The following MYO18B variants were observed in gnomAD, a reference collection of about 807,000 sequenced individuals.
MYO18B encodes myosin XVIIIB.
In MYO18B, 204 loss-of-function variants were observed where a neutral mutation model predicts 273.0. The observed-to-expected ratio is 0.75, with a 90% confidence interval of 0.67 to 0.84. MYO18B has a LOEUF of 0.84. Ranked by LOEUF, MYO18B falls within the 40% of genes least tolerant of loss-of-function variation. MYO18B has a pLI of 0.00. For synonymous variants in MYO18B, 1,330 were observed against 1,305.7 expected (o/e 1.02, Z -0.40); for missense variants, 3,212 against 3,287.6 (o/e 0.98, Z 0.56).
At chr22:25,755,629 T>G (rs1018930205) in intron 1 of MYO18B, among the ~76,000 whole-genome samples, 5 of 152,224 alleles carry the variant, frequency 3.3e-5, no homozygotes, top group Non-Finnish European at 7.3e-5. Flanking sequence ...GTTTGGGTCA[T>G]GGGGGCAGAT....
intron 1 of MYO18B, among the ~76,000 whole-genome samples, chr22:25,745,548 C>T (rs568374643): frequency 3.3e-4 from 50 of 152,114 alleles, no homozygotes; most frequent in South Asian, 6.2e-4. Context: ...ACACCATTAG[C>T]TTCATATGAA....
the MYO18B span, among the ~76,000 whole-genome samples, chr22:26,037,360 C>G: frequency 1.3e-5 from 2 of 152,130 alleles, no homozygotes; most frequent in African/African-American, 4.8e-5. Context: ...GATTATTATG[C>G]CCATTTTACA....
intron 34 of MYO18B, among the ~76,000 whole-genome samples, chr22:25,933,923 A>G (rs1207467109): frequency 6.6e-6 from 1 of 152,236 alleles, no homozygotes; most frequent in African/African-American, 2.4e-5. Flanking sequence ...TAAATTTCCA[A>G]GGTACCTGTA....
chr22:25,884,053 C>T (rs1264763173), intron 25 of MYO18B, among the ~76,000 whole-genome samples: 1 of 152,124 alleles, frequency 6.6e-6, no homozygotes, highest in Non-Finnish European at 1.5e-5. Context: ...ATTTTCCCCC[C>T]AAGACCTTAT....
chr22:26,026,886 G>A lies in MYO18B; in HGVS notation c.6912G>A (p.Arg2304=), dbSNP rs766087021. 1 of 1,604,162 alleles carries A rather than the reference G, an allele frequency of 6.2e-7. No individual in the cohort carries two copies. The highest frequency in any genetic ancestry group is 8.5e-7 in the Non-Finnish European group (1 of 1,174,466). Residue 2304 remains arginine, a synonymous_variant, in exon 43 of 44, where the codon AGG becomes AGA. Transcript: ENST00000335473. The stretch of plus-strand genomic sequence containing the variant: ...GTGACGAGGGAAACCTCTCGCTGAG[G>A]GTTGGGGCAAAGTCACCCCTGGAAA... ...AGSDEGNLSL[R]VGAKSPLEIE...
intron 25 of MYO18B, among the ~76,000 whole-genome samples, chr22:25,889,733 A>G (rs1469938637): frequency 6.6e-6 from 1 of 152,138 alleles, no homozygotes; most frequent in Non-Finnish European, 1.5e-5. Context: ...TTTTGGAACG[A>G]TAATGCCACA....
At chr22:25,936,176 G>T (rs575344058) in intron 34 of MYO18B, among the ~76,000 whole-genome samples, 5 of 152,278 alleles carry the variant, frequency 3.3e-5, no homozygotes, top group African/African-American at 9.6e-5. Flanking sequence ...ACGGGGATCG[G>T]GGAGGGCCTT....
chr22:26,017,096 CCTCA>C lies in MYO18B; in HGVS notation c.6471-9337_6471-9334del, dbSNP rs1276249501. Reference sequence around the variant, plus strand: ...TCCTCTCTGTGCCTCTCCCTCCCTCCCTCACTCACTCACTCCCTTCCTTCCTTCT... The same window carrying C: ...TCCTCTCTGTGCCTCTCCCTCCCTCCCTCACTCACTCCCTTCCTTCCTTCT... On this transcript the variant is annotated intron_variant, in intron 42 of 43. Coordinates refer to ENST00000335473, the MANE Select transcript of MYO18B (RefSeq NM_032608.7). Among the ~76,000 whole-genome samples, 47 of 133,060 alleles carry C rather than the reference CCTCA, an allele frequency of 3.5e-4. 1 individual carries two copies. Among genetic ancestry groups the C allele is most frequent in the Middle Eastern group, 3.7e-3 (1 of 268 alleles). The allele number at this position is 133,060 out of a possible 152,430, so 87.3% of individuals were successfully genotyped here.
chr22:25,955,245 T>G lies in MYO18B; in HGVS notation c.6037T>G (p.Ser2013Ala). The change falls in exon 39 of 44, where the codon TCC becomes GCC. Residue 2013 changes from serine to alanine, a missense_variant. By Grantham distance (99) the Ser-to-Ala change is moderately conservative (BLOSUM62 1). Transcript: ENST00000335473. The part of the protein sequence containing the change: ...MGEELSQAAT[S>A]ESQQRESSQY... ...GGAGGAGCTTTCACAGGCGGCCACC[T>G]CCGAGTCCCAGCAGCGGGAGAGCAG... The G allele has an allele frequency of 6.2e-7, 1 of 1,613,380 alleles. No homozygotes were observed. The highest frequency in any genetic ancestry group is 1.1e-5 in the South Asian group (1 of 90,954).
chr22:25,865,529 C>A (rs918210361), intron 21 of MYO18B, among the ~76,000 whole-genome samples: 8 of 152,210 alleles, frequency 5.3e-5, no homozygotes, highest in Non-Finnish European at 7.3e-5. Context: ...TAACTCCTAA[C>A]ATTTATTGAG....
chr22:25,863,910 T>G (rs2090813061), intron 21 of MYO18B, among the ~76,000 whole-genome samples: 1 of 152,240 alleles, frequency 6.6e-6, no homozygotes, highest in South Asian at 2.1e-4. Flanking sequence ...GTGGCTGTCC[T>G]ATTTCCTGTG....
intron 39 of MYO18B, chr22:25,963,978 T>A (rs2092948657): frequency 6.6e-6 from 1 of 152,196 alleles, no homozygotes; most frequent in Non-Finnish European, 1.5e-5. Flanking sequence ...ATGGCAGTGA[T>A]GTTAATAGGA....
chr22:26,030,004 T>C (rs938679527), intron 43 of MYO18B, among the ~76,000 whole-genome samples: 1 of 152,052 alleles, frequency 6.6e-6, no homozygotes, highest in African/African-American at 2.4e-5. Flanking sequence ...TTCTGTGGAG[T>C]TGCTACAGTA....
rs117215353 is a variant in MYO18B at position 25,930,246 on chromosome 22, C to T, written c.5517+8837C>T. Among the ~76,000 whole-genome samples, 38 of 152,284 alleles carry T rather than the reference C, an allele frequency of 2.5e-4. 1 individual carries two copies. In the East Asian group the frequency reaches 7.2e-3, roughly 29 times the overall value. ...CTCTCCTTCCCCACAATCTGTTGGG[C>T]CTGCCCCTGAGTTAGTACTTGTCAC... On this transcript the variant is annotated intron_variant, in intron 34 of 43. Transcript: ENST00000335473.
chr22:25,785,988 T>C (rs545830847), intron 11 of MYO18B, among the ~76,000 whole-genome samples: 454 of 152,314 alleles, frequency 3.0e-3, no homozygotes, highest in Non-Finnish European at 4.5e-3. Flanking sequence ...CAGCGATGGT[T>C]TCCTGATGAA....
intron 1 of MYO18B, among the ~76,000 whole-genome samples, chr22:25,746,249 G>A (rs557413388): frequency 6.6e-6 from 1 of 152,296 alleles, no homozygotes; most frequent in African/African-American, 2.4e-5. Context: ...GAGGTTTAGT[G>A]ACTTGCTTTT....
intron 25 of MYO18B, among the ~76,000 whole-genome samples, chr22:25,886,413 T>C (rs1254149643): frequency 1.3e-5 from 2 of 152,174 alleles, no homozygotes; most frequent in African/African-American, 4.8e-5. Context: ...CATGGCTTAA[T>C]CTCCTTGACG....
intron 11 of MYO18B, among the ~76,000 whole-genome samples, chr22:25,793,604 C>T (rs961176206): frequency 1.3e-5 from 2 of 152,142 alleles, no homozygotes; most frequent in Non-Finnish European, 2.9e-5. Flanking sequence ...TTTGCAAAGT[C>T]ACATGGTTGG....
rs768377711 is a variant in MYO18B at position 25,772,305 on chromosome 22, A to G, written c.1693-29A>G. 1.1e-5 allele frequency: 17 copies of G among 1,602,964 alleles called. 1 individual carries two copies. The South Asian group carries it at 1.9e-4, about 18-fold the overall frequency. On this transcript the variant is annotated intron_variant, in intron 6 of 43. Transcript: ENST00000335473. ...CAGGGGGCCAGAAGGCCAGAAGGCC[A>G]GAGGAGACTCTGTGTGATGGTTTCA...
Sources: gnomAD v4.1 joint callset for allele counts (sites outside exome capture counted in the v4.1 genomes callset) on GRCh38, gnomAD v4.1.1 for gene constraint, MANE v1.5 for transcripts, NCBI Gene and HGNC (gene_info 2026-07-23, HGNC 2026-07-21) for gene names.